MGST1: variants seen among roughly 807,000 people sequenced by gnomAD.
MGST1 encodes microsomal glutathione S-transferase 1.
In MGST1, 5 loss-of-function variants were observed where a neutral mutation model predicts 8.9. The ratio of observed to expected loss-of-function variants is 0.56; its 90% CI spans 0.29 to 1.19. The LOEUF is 1.19. Ranked by LOEUF, MGST1 falls within the 50% of genes most tolerant of loss-of-function variation. The pLI, the probability that MGST1 is intolerant of heterozygous loss-of-function variation, is 0.08. For missense variants in MGST1, 182 were observed against 187.4 expected (o/e 0.97, Z 0.17); for synonymous variants, 54 against 67.8 (o/e 0.80, Z 1.00).
chr12:16,551,231 C>T, intron 4 of MGST1: 1 of 1,600,122 alleles, frequency 6.2e-7, no homozygotes, highest in Non-Finnish European at 8.6e-7. Flanking sequence ...ATCAGCGAAC[C>T]TGGGGTGCAT....
At chr12:16,567,001 C>T (rs1942641865) in intron 4 of MGST1, among the ~76,000 whole-genome samples, 1 of 152,162 alleles carries the variant, frequency 6.6e-6, no homozygotes, top group South Asian at 2.1e-4. Flanking sequence ...TCGGGACCAG[C>T]CTGGCCAATA....
At chr12:16,394,512 CCCTTTCTTTCTT>C (rs1429347990) in intron 1 of MGST1, among the ~76,000 whole-genome samples, 1 of 49,006 alleles carries the variant, frequency 2.0e-5, no homozygotes, top group African/African-American at 7.2e-5. Context: ...CTCTTTCTCT[CCCTTTCTTTCTT>C]TCTTTCTTTC....
chr12:16,520,433 G>A (rs1410187793), intron 4 of MGST1, among the ~76,000 whole-genome samples: 1 of 151,416 alleles, frequency 6.6e-6, no homozygotes, highest in African/African-American at 2.4e-5. Flanking sequence ...GCCTAATGAT[G>A]GAGTTTAGGG....
In MGST1 at chr12:16,537,034, T is replaced by A. The variant is rs1156605457; in HGVS notation, n.483-52494T>A. 1.3e-5 allele frequency among the ~76,000 whole-genome samples: 2 copies of A among 152,114 alleles called. No individual in the cohort carries two copies. The highest frequency in any genetic ancestry group is 2.9e-5 in the Non-Finnish European group (2 of 68,026). ...CAAAAGTCCACAGTCCAAAGTCTCA[T>A]CTGAGACAAGGCAAGTCCCTTCTGC... On this transcript the variant is annotated intron_variant and non_coding_transcript_variant, in intron 4 of 4. Coordinates refer to the MGST1 transcript ENST00000538857. The surrounding 1 kb of genome is among the most constrained non-coding windows in gnomAD (Gnocchi z 4.6).
chr12:16,378,061 A>G (rs536550743), downstream of MGST1, among the ~76,000 whole-genome samples: 1,236 of 151,806 alleles, frequency 8.1e-3, 22 homozygotes, highest in African/African-American at 0.029. Context: ...TTGTCAGATG[A>G]GTAGGTTGCA....
chr12:16,497,079 G>A lies in MGST1; in HGVS notation n.483-92449G>A, dbSNP rs1302696172. Among the ~76,000 whole-genome samples, 1 of 152,116 alleles carries A rather than the reference G, an allele frequency of 6.6e-6. No individual in the cohort carries two copies. Among genetic ancestry groups the A allele is most frequent in the African/African-American group, 2.4e-5 (1 of 41,442 alleles). On this transcript the variant is annotated intron_variant and non_coding_transcript_variant, in intron 4 of 4. Coordinates refer to the MGST1 transcript ENST00000538857. This position sits in a 1 kb window ranked among gnomAD's most constrained non-coding sequence, Gnocchi z 4.4. ...TCTAAGAATAAGCTTTGTCTTCTTA[G>A]AAGAGAAAGAAATATTTAATCCTAT...
downstream of MGST1, among the ~76,000 whole-genome samples, chr12:16,441,424 C>A (rs1339522654): frequency 6.6e-6 from 1 of 151,846 alleles, no homozygotes; most frequent in African/African-American, 2.4e-5. Flanking sequence ...GTTATGATAT[C>A]TATCCACTAT....
downstream of MGST1, among the ~76,000 whole-genome samples, chr12:16,443,580 A>C (rs1239931296): frequency 6.6e-6 from 1 of 151,848 alleles, no homozygotes; most frequent in Admixed American, 6.6e-5. Flanking sequence ...TAGTATTTTT[A>C]CAACATCATA....
At chr12:16,349,667 T>G (rs1276396984) in intron 1 of MGST1, among the ~76,000 whole-genome samples, 1 of 151,878 alleles carries the variant, frequency 6.6e-6, no homozygotes, top group Non-Finnish European at 1.5e-5. Context: ...TCTAAAATCC[T>G]CAGTGCCTAG....
chr12:16,508,966 G>T lies in MGST1; in HGVS notation n.483-80562G>T, dbSNP rs528579307. ...CTTACAGTACCCTTTGCCAGCAGTGGTTTGAAGATTCTTGATGCTGCTGCT... is the reference window on the plus strand; with the variant it reads ...CTTACAGTACCCTTTGCCAGCAGTGTTTTGAAGATTCTTGATGCTGCTGCT... On this transcript the variant is annotated intron_variant and non_coding_transcript_variant, in intron 4 of 4. Transcript: ENST00000538857. Among the ~76,000 whole-genome samples the T allele has an allele frequency of 5.9e-5, 9 of 152,262 alleles. 1 individual carries two copies. Among genetic ancestry groups the T allele is most frequent in the African/African-American group, 1.7e-4 (7 of 41,562 alleles).
At chr12:16,437,675 A>C (rs1175378236) in exon 2 of MGST1, 2 of 152,018 alleles carry the variant, frequency 1.3e-5, no homozygotes, top group Non-Finnish European at 2.9e-5. Flanking sequence ...TTTTCAAAAG[A>C]AAATGAAGAC....
rs140254287 is a variant in MGST1 at position 16,402,691 on chromosome 12, T to C, written n.778+19087T>C. Among the ~76,000 whole-genome samples the C allele has an allele frequency of 1.2e-3, 189 of 152,180 alleles. 3 individuals are homozygous for C. In the East Asian group the frequency reaches 0.031, roughly 25 times the overall value. On this transcript the variant is annotated intron_variant and non_coding_transcript_variant, in intron 1 of 1. Coordinates refer to the MGST1 transcript ENST00000359720. Reference sequence around the variant, plus strand: ...TATTAATACAATAGATTCTTTTGTTTTTCCATTTACTTTCACCTTCTCAGC... The same window carrying C: ...TATTAATACAATAGATTCTTTTGTTCTTCCATTTACTTTCACCTTCTCAGC...
downstream of MGST1, among the ~76,000 whole-genome samples, chr12:16,378,624 A>G (rs1940417257): frequency 6.6e-6 from 1 of 150,500 alleles, no homozygotes; most frequent in Admixed American, 6.6e-5. Context: ...TGACTTGGCG[A>G]TGCGGGCTCT....
intron 1 of MGST1, among the ~76,000 whole-genome samples, chr12:16,415,748 G>A (rs150724771): frequency 7.2e-4 from 109 of 152,270 alleles, no homozygotes; most frequent in African/African-American, 2.3e-3. Context: ...GGACTCAAAA[G>A]TTATATGTGA....
chr12:16,415,835 A>G (rs139485978), intron 1 of MGST1, among the ~76,000 whole-genome samples: 2 of 152,182 alleles, frequency 1.3e-5, no homozygotes, highest in Admixed American at 1.3e-4. Context: ...ACCTAGCTAC[A>G]CAAACGAGGG....
rs35784515 is a variant in MGST1, at chr12:16,435,992, T to TACACACACAC, written n.779-1386_779-1377dup. ...GAAGTTATTTCCACCCTGCTGCAAA[T>TACACACACAC]ACACACACACACACACACATAACAC... is the stretch of plus-strand genomic sequence containing the variant. On this transcript the variant is annotated intron_variant and non_coding_transcript_variant, in intron 1 of 1. Coordinates refer to the MGST1 transcript ENST00000359720. 3.1e-3 allele frequency among the ~76,000 whole-genome samples: 456 copies of TACACACACAC among 149,384 alleles called. 2 individuals are homozygous for TACACACACAC. Among genetic ancestry groups the TACACACACAC allele is most frequent in the African/African-American group, 0.01 (421 of 40,924 alleles).
rs369248859 is a variant in MGST1, at chr12:16,548,294, A to G, written n.483-41234A>G. The G allele has an allele frequency of 6.6e-6, 1 of 151,210 alleles. No individual in the cohort carries two copies. The highest frequency in any genetic ancestry group is 2.4e-5 in the African/African-American group (1 of 41,320). 9.4% of individuals were successfully genotyped at this position (151,210 alleles called of 1,614,324 possible). On this transcript the variant is annotated intron_variant and non_coding_transcript_variant, in intron 4 of 4. Transcript: ENST00000538857. The surrounding 1 kb of genome is among the most constrained non-coding windows in gnomAD (Gnocchi z 4.2). ...CTTTAGAAAGTAAATGTCCTTACAC[A>G]CCTTTTTTTTCTTTTCATGGACTTA...
intron 4 of MGST1, among the ~76,000 whole-genome samples, chr12:16,469,658 C>T (rs759997316): frequency 6.6e-6 from 1 of 152,146 alleles, no homozygotes. Flanking sequence ...AGCTAAGTAT[C>T]GGCAAAATTC....
intron 4 of MGST1, among the ~76,000 whole-genome samples, chr12:16,506,752 T>C (rs1001330880): frequency 6.6e-6 from 1 of 151,968 alleles, no homozygotes; most frequent in Non-Finnish European, 1.5e-5. Context: ...ATTTGATTTT[T>C]TAAGGAAAAA....
Sources: gnomAD v4.1 joint callset for allele counts (sites outside exome capture counted in the v4.1 genomes callset) on GRCh38, gnomAD v4.1.1 for gene constraint, Gnocchi (gnomAD v3.1) non-coding constraint, MANE v1.5 for transcripts, NCBI Gene and HGNC (gene_info 2026-07-23, HGNC 2026-07-21) for gene names.